Variants in DNM3 observed in about 807,000 individuals in gnomAD.
DNM3 encodes dynamin 3, also known as dynamin-3.
DNM3 carries 47 observed loss-of-function variants against 101.6 expected under a neutral mutation model. The observed-to-expected ratio is 0.46, with a 90% CI of 0.37 to 0.59. The LOEUF is 0.59. Among genes scored for constraint, DNM3 ranks in the 20% least tolerant of loss-of-function variants. The pLI, the probability that DNM3 is intolerant of heterozygous loss-of-function variation, is 0.00. For synonymous variants in DNM3, 385 were observed against 387.9 expected (o/e 0.99, Z 0.09); for missense variants, 849 against 1,085.7 (o/e 0.78, Z 3.06).
At chr1:171,971,975 C>T (rs779876181) in intron 2 of DNM3, among the ~76,000 whole-genome samples, 39 of 152,098 alleles carry the variant, frequency 2.6e-4, no homozygotes, top group Admixed American at 1.2e-3. Context: ...TCATACTGAA[C>T]GAGGAAAAGA....
Position 172,125,216 on chromosome 1 carries a change from A to G in DNM3, c.1546-5959A>G, listed in dbSNP as rs958503915. ...TTATAACCTTTATCTAGGCTGCAGC[A>G]GTTAAAAAAAAAGACAGCTGCATAG... On this transcript the variant is annotated intron_variant, in intron 13 of 20. Transcript: ENST00000627582. 2.0e-5 allele frequency among the ~76,000 whole-genome samples: 3 copies of G among 152,290 alleles called. No homozygotes were observed. In the East Asian group the frequency reaches 5.8e-4, roughly 29 times the overall value.
chr1:171,888,105 A>G (rs1031185473), intron 1 of DNM3, among the ~76,000 whole-genome samples: 1 of 149,284 alleles, frequency 6.7e-6, no homozygotes, highest in African/African-American at 2.5e-5. Flanking sequence ...TCTTATAGTT[A>G]GAAATCAGCA....
At chr1:171,945,495 G>C (rs983176687) in intron 2 of DNM3, among the ~76,000 whole-genome samples, 8 of 152,184 alleles carry the variant, frequency 5.3e-5, no homozygotes, top group Non-Finnish European at 4.4e-5. Flanking sequence ...TAAAAATCTT[G>C]TTTAGCAAGT....
chr1:172,128,100 C>T (rs2148057923), intron 13 of DNM3, among the ~76,000 whole-genome samples: 1 of 152,318 alleles, frequency 6.6e-6, no homozygotes, highest in South Asian at 2.1e-4. Context: ...GTTTCTCTGA[C>T]ATTCCTTTAC....
chr1:172,215,171 T>C (rs1304958886), intron 14 of DNM3, among the ~76,000 whole-genome samples: 2 of 152,132 alleles, frequency 1.3e-5, no homozygotes, highest in Non-Finnish European at 2.9e-5. Context: ...TGTAGACTCT[T>C]TTAGTAGTCA....
intron 14 of DNM3, among the ~76,000 whole-genome samples, chr1:172,190,285 A>T (rs1249400755): frequency 6.6e-6 from 1 of 152,080 alleles, no homozygotes; most frequent in African/African-American, 2.4e-5. Flanking sequence ...TCCTTGCGAT[A>T]GTTTGCTCAG....
At chr1:172,069,068 C>A (rs1406852233) in intron 11 of DNM3, among the ~76,000 whole-genome samples, 163 bp downstream of exon 11, 4 of 152,146 alleles carry the variant, frequency 2.6e-5, no homozygotes. Flanking sequence ...GAATTATACA[C>A]ATACTATATT....
At chr1:172,164,232 CT>C (rs3980440) in intron 14 of DNM3, among the ~76,000 whole-genome samples, 1,279 of 126,600 alleles carry the variant, frequency 0.01, 21 homozygotes, top group African/African-American at 0.033. Flanking sequence ...CTTTTCTTTT[CT>C]TTTTTTTTTT....
At chr1:172,311,148 T>C (rs1311839015) in intron 16 of DNM3, 1 of 152,182 alleles carries the variant, frequency 6.6e-6, no homozygotes, top group Non-Finnish European at 1.5e-5. Flanking sequence ...CTTATAATTA[T>C]AATTATTATG....
intron 14 of DNM3, among the ~76,000 whole-genome samples, chr1:172,181,264 C>T (rs1429119110): frequency 1.3e-5 from 2 of 152,030 alleles, no homozygotes; most frequent in Non-Finnish European, 2.9e-5. Context: ...AATCTGTTGA[C>T]ACGCCCTTCA....
At chr1:172,125,267 ATAAG>A (rs1306500091) in intron 13 of DNM3, among the ~76,000 whole-genome samples, 1 of 152,220 alleles carries the variant, frequency 6.6e-6, no homozygotes, top group East Asian at 1.9e-4. Flanking sequence ...ATGGTCGACC[ATAAG>A]TGAGATCAAG....
chr1:171,961,852 G>GGACA (rs1330787786), intron 2 of DNM3, among the ~76,000 whole-genome samples: 1 of 152,108 alleles, frequency 6.6e-6, no homozygotes, highest in African/African-American at 2.4e-5. Flanking sequence ...AGCCACAAAA[G>GGACA]GACAGTACCT....
intron 14 of DNM3, among the ~76,000 whole-genome samples, chr1:172,168,574 C>T (rs2058837137): frequency 6.6e-6 from 1 of 151,994 alleles, no homozygotes; most frequent in African/African-American, 2.4e-5. Flanking sequence ...TCTGGCTTGT[C>T]TCCACTAAGC....
intron 14 of DNM3, among the ~76,000 whole-genome samples, chr1:172,223,603 G>T (rs1166581022): frequency 6.6e-6 from 1 of 152,044 alleles, no homozygotes; most frequent in Non-Finnish European, 1.5e-5. Flanking sequence ...GGCTCCCACT[G>T]AACCCATGAC....
At chr1:172,194,623 T>C (rs1470992460) in intron 14 of DNM3, among the ~76,000 whole-genome samples, 2 of 152,152 alleles carry the variant, frequency 1.3e-5, no homozygotes, top group African/African-American at 4.8e-5. Context: ...AATGACCTTC[T>C]TTGTCTCTTT....
intron 13 of DNM3, chr1:172,093,816 G>A (rs1025807032): frequency 8.6e-6 from 11 of 1,278,278 alleles, no homozygotes; most frequent in Middle Eastern, 1.9e-4. Context: ...CTCAACTAGC[G>A]CTTGCTACTA....
chr1:171,868,100 T>A (rs116605415), intron 1 of DNM3, among the ~76,000 whole-genome samples: 1 of 152,220 alleles, frequency 6.6e-6, no homozygotes, highest in Non-Finnish European at 1.5e-5. Context: ...CAACTCTTTA[T>A]GGATCTTCCT....
intron 14 of DNM3, among the ~76,000 whole-genome samples, chr1:172,209,592 A>T (rs1390227357): frequency 1.3e-5 from 2 of 151,990 alleles, no homozygotes; most frequent in Non-Finnish European, 2.9e-5. Context: ...CAAGGAGAAG[A>T]CTCTTCCATA....
chr1:172,308,582 G>A (rs1341974221), intron 15 of DNM3, 146 bp from the exon 16 acceptor site: 1 of 448,704 alleles, frequency 2.2e-6, no homozygotes, highest in Non-Finnish European at 3.9e-6. Context: ...TTATTTTAAA[G>A]TATGAGTTGT....
Sources: gnomAD v4.1 joint callset for allele counts (sites outside exome capture counted in the v4.1 genomes callset) on GRCh38, gnomAD v4.1.1 for gene constraint, MANE v1.5 for transcripts, NCBI Gene and HGNC (gene_info 2026-07-23, HGNC 2026-07-21) for gene names.